VPS8: variants seen among roughly 807,000 people sequenced by gnomAD.
VPS8 encodes the protein vacuolar protein sorting-associated protein 8 homolog.
In VPS8, 129 loss-of-function variants were observed where a neutral mutation model predicts 216.4. The ratio of observed to expected loss-of-function variants is 0.60; its 90% CI spans 0.52 to 0.69. The LOEUF is 0.69. VPS8 is among the 30% of genes least tolerant of loss of function. The probability of loss-of-function intolerance (pLI) is 0.00; values close to 1 mark genes in which losing one functional copy is unlikely to be tolerated. For synonymous variants in VPS8, 571 were observed against 565.4 expected (o/e 1.01, Z -0.14); for missense variants, 1,531 against 1,683.5 (o/e 0.91, Z 1.59).
intron 36 of VPS8, among the ~76,000 whole-genome samples, chr3:184,945,097 A>C (rs987056369): frequency 1.3e-5 from 2 of 152,042 alleles, no homozygotes; most frequent in South Asian, 2.1e-4. Flanking sequence ...CTCAAAATCA[A>C]CCTTTTAAAT....
intron 45 of VPS8, among the ~76,000 whole-genome samples, chr3:185,011,881 T>C (rs1321592030): frequency 6.6e-6 from 1 of 152,144 alleles, no homozygotes. Flanking sequence ...GACTTTAAAA[T>C]AGAAATTACA....
chr3:185,026,517 T>C (rs1757379535), intron 46 of VPS8, among the ~76,000 whole-genome samples: 1 of 150,840 alleles, frequency 6.6e-6, no homozygotes, highest in Non-Finnish European at 1.5e-5. Context: ...GTTCAAGCGA[T>C]TCTCCTGCCT....
Position 184,939,411 on chromosome 3 carries a change from CAAAG to C in VPS8, c.2989-782_2989-779del, listed in dbSNP as rs372050328. On this transcript the variant is annotated intron_variant, in intron 35 of 47. Transcript: ENST00000625842. ...GTGAATTTGTCAAAAAATAAAAAAA[CAAAG>C]AAAAACTAAACAATAACAATTTTTG... is the stretch of plus-strand genomic sequence containing the variant. Among the ~76,000 whole-genome samples, 410 of 151,950 alleles carry C rather than the reference CAAAG, an allele frequency of 2.7e-3. 1 individual carries two copies. The highest frequency in any genetic ancestry group is 0.01 in the Middle Eastern group (3 of 294).
rs112449182 is a variant in VPS8, at chr3:185,003,034, C to T, written c.4002+3173C>T. 7.8e-3 allele frequency among the ~76,000 whole-genome samples: 1,190 copies of T among 152,254 alleles called. 4 individuals carry two copies. The highest frequency in any genetic ancestry group is 0.012 in the Non-Finnish European group (838 of 68,024). ...TTTAAGGAACCTCCATACTGTTTTC[C>T]ATAATAGTTGTACTAGTTTACATTC... is the stretch of plus-strand genomic sequence containing the variant. On this transcript the variant is annotated intron_variant, in intron 45 of 47. Coordinates refer to ENST00000625842, the MANE Select transcript of VPS8 (RefSeq NM_001009921.3).
chr3:184,957,688 AC>A (rs1745843454), intron 37 of VPS8, among the ~76,000 whole-genome samples, 167 bp downstream of exon 37: 1 of 152,248 alleles, frequency 6.6e-6, no homozygotes, highest in Admixed American at 6.5e-5. Flanking sequence ...CAAAAGAAAA[AC>A]AGAGGTTTAT....
At chr3:184,922,618 GT>G in intron 29 of VPS8, 1 of 315,328 alleles carries the variant, frequency 3.2e-6, no homozygotes, top group Non-Finnish European at 6.3e-6. Flanking sequence ...TCTTGATAGT[GT>G]TTATCTTGCG....
chr3:184,996,436 C>G lies in VPS8; in HGVS notation c.3771C>G (p.Tyr1257Ter). The change falls in exon 44 of 48, where the codon TAC becomes TAG. Residue 1257 changes from tyrosine (Y) to a stop codon, truncating the protein, a stop_gained. Transcript: ENST00000625842. LOFTEE classifies it high-confidence loss of function. The stretch of plus-strand genomic sequence containing the variant: ...GAGGACTGAATCCCAAACAAGATTA[C>G]TGCTCTATATGTTTGCAGCAGTACA... ...VTRGLNPKQD[Y>*]CSICLQQYKR... The G allele has an allele frequency of 6.2e-7, 1 of 1,613,872 alleles. No homozygotes were observed. Among genetic ancestry groups the G allele is most frequent in the Non-Finnish European group, 8.5e-7 (1 of 1,179,838 alleles).
Position 184,930,551 on chromosome 3 carries a change from G to A in VPS8, c.2881G>A (p.Ala961Thr), listed in dbSNP as rs755643746. ...AEEKQSVWQK[A>T]MDHIEELVSL... Reference sequence around the variant, plus strand: ...GGAGAAGCAGTCTGTATGGCAGAAAGCAATGGATCATATTGAGGTACTGAT... The same window carrying A: ...GGAGAAGCAGTCTGTATGGCAGAAAACAATGGATCATATTGAGGTACTGAT... The change falls in exon 34 of 48, where the codon GCA becomes ACA. Residue 961 changes from alanine to threonine, a missense_variant. Physicochemically the swap from Ala to Thr is moderately conservative, Grantham distance 58. This residue lies in a region of VPS8 where 1,318 missense variants were observed against 1,468.4 expected (regional missense o/e 0.90). Coordinates refer to ENST00000625842, the MANE Select transcript of VPS8 (RefSeq NM_001009921.3). 6.1e-5 allele frequency: 99 copies of A among 1,612,714 alleles called. 1 individual carries two copies. The South Asian group carries it at 1.0e-3, about 17-fold the overall frequency.
intron 3 of VPS8, among the ~76,000 whole-genome samples, chr3:184,832,330 A>T (rs1222792413): frequency 6.6e-6 from 1 of 152,112 alleles, no homozygotes; most frequent in Non-Finnish European, 1.5e-5. Flanking sequence ...GACTATTTAT[A>T]GTCAGATGGT....
Position 184,832,764 on chromosome 3 carries a change from T to TATG in VPS8, c.301_303dup (p.Asp101dup). ...CATTGATACTATTGATTCTCACTCC[T>TATG]ATGATACTTCATCTGTGGCAAGCTC... is the stretch of plus-strand genomic sequence containing the variant. On this transcript the variant is annotated inframe_insertion, in exon 4 of 48. Coordinates refer to ENST00000625842, the MANE Select transcript of VPS8 (RefSeq NM_001009921.3). The TATG allele has an allele frequency of 6.2e-7, 1 of 1,609,874 alleles. No homozygotes were observed. The highest frequency in any genetic ancestry group is 8.5e-7 in the Non-Finnish European group (1 of 1,177,692).
At chr3:184,840,067 T>TG (rs1437187574) in intron 7 of VPS8, 1 of 298,664 alleles carries the variant, frequency 3.3e-6, no homozygotes, top group African/African-American at 2.2e-5. Flanking sequence ...CGGTTGTTGG[T>TG]GGTGGGGATT....
chr3:185,037,618 C>T (rs1759091551), intron 46 of VPS8, among the ~76,000 whole-genome samples: 1 of 152,214 alleles, frequency 6.6e-6, no homozygotes. Context: ...GATGATAACT[C>T]CACATTTCTC....
chr3:184,865,245 T>C lies in VPS8; in HGVS notation c.1396-1631T>C, dbSNP rs960360080. Among the ~76,000 whole-genome samples, 6 of 152,304 alleles carry C rather than the reference T, an allele frequency of 3.9e-5. No homozygotes were observed. The East Asian group carries it at 1.2e-3, about 29-fold the overall frequency. On this transcript the variant is annotated intron_variant, in intron 16 of 47. Transcript: ENST00000625842. ...GGAGAGAAGAAATTGGAAAAACTAA[T>C]GGTCAAAAACTTTTCTAAAACTGTA...
chr3:185,040,548 T>TCTA (rs1438241991), intron 46 of VPS8, among the ~76,000 whole-genome samples: 1 of 152,098 alleles, frequency 6.6e-6, no homozygotes, highest in Non-Finnish European at 1.5e-5. Context: ...ATTTCCTCTA[T>TCTA]CTACTCCACC....
intron 39 of VPS8, among the ~76,000 whole-genome samples, chr3:184,970,179 T>G (rs948589853): frequency 1.4e-4 from 21 of 152,130 alleles, no homozygotes; most frequent in African/African-American, 5.1e-4. Context: ...CCCAAAGTGC[T>G]GGGATTACAG....
chr3:184,995,000 C>T (rs188341675), intron 43 of VPS8, among the ~76,000 whole-genome samples: 2 of 152,312 alleles, frequency 1.3e-5, no homozygotes, highest in Admixed American at 6.5e-5. Flanking sequence ...TTCACTATCA[C>T]GAGAACAACA....
At chr3:184,919,844 C>A (rs145481713) in intron 28 of VPS8, among the ~76,000 whole-genome samples, 1 of 152,024 alleles carries the variant, frequency 6.6e-6, no homozygotes, top group Non-Finnish European at 1.5e-5. Flanking sequence ...TTAGTGTTAT[C>A]GCTCTCTTTT....
At chr3:184,893,197 G>T (rs1163062477) in intron 22 of VPS8, 1 of 1,210,288 alleles carries the variant, frequency 8.3e-7, no homozygotes, top group Admixed American at 2.8e-5. Context: ...TTCTGGTGCA[G>T]TTGTAGCCAG....
At chr3:185,011,943 G>T (rs1188261741) in intron 45 of VPS8, among the ~76,000 whole-genome samples, 1 of 152,098 alleles carries the variant, frequency 6.6e-6, no homozygotes, top group Non-Finnish European at 1.5e-5. Context: ...TGAACACATG[G>T]GGAAACGTCA....
Sources: allele counts gnomAD v4.1 joint callset (sites outside exome capture counted in the v4.1 genomes callset), GRCh38; gene constraint gnomAD v4.1.1; regional missense constraint gnomAD v4.1.1; transcripts MANE v1.5; gene names NCBI Gene and HGNC (gene_info 2026-07-23, HGNC 2026-07-21).